FAM184B: variants seen among roughly 807,000 people sequenced by gnomAD.
FAM184B encodes family with sequence similarity 184 member B, also known as protein FAM184B.
In FAM184B, 111 loss-of-function variants were observed where a neutral mutation model predicts 135.9. The ratio of observed to expected loss-of-function variants is 0.82; its 90% CI spans 0.70 to 0.96. FAM184B has a LOEUF of 0.96. Ranked by LOEUF, FAM184B falls within the 40% of genes least tolerant of loss-of-function variation. The pLI, the probability that FAM184B is intolerant of heterozygous loss-of-function variation, is 0.00. For synonymous variants in FAM184B, 552 were observed against 524.8 expected, an observed-to-expected ratio of 1.05 and a Z score of -0.71; for missense variants, 1,375 against 1,323.9, an observed-to-expected ratio of 1.04 and a Z score of -0.60.
intron 15 of FAM184B, among the ~76,000 whole-genome samples, 164 bp downstream of exon 15, chr4:17,636,362 CAA>C (rs992018919): frequency 6.6e-6 from 1 of 152,222 alleles, no homozygotes; most frequent in African/African-American, 2.4e-5. Flanking sequence ...CTCCGCCTCC[CAA>C]AGTGCTGGGA....
chr4:17,776,934 T>C (rs1031108078), intron 1 of FAM184B, among the ~76,000 whole-genome samples: 1 of 152,122 alleles, frequency 6.6e-6, no homozygotes, highest in Admixed American at 6.6e-5. Flanking sequence ...CTGGATAATG[T>C]ATGGTGGTAC....
chr4:17,645,816 G>A (rs1170790523), intron 12 of FAM184B, among the ~76,000 whole-genome samples: 9 of 152,056 alleles, frequency 5.9e-5, no homozygotes, highest in Middle Eastern at 3.4e-3. Flanking sequence ...GAAAATTTTT[G>A]CAATCTACTC....
chr4:17,694,799 A>G (rs4235392), intron 5 of FAM184B, among the ~76,000 whole-genome samples: 92,642 of 152,044 alleles, frequency 0.61, 28,713 homozygotes, highest in East Asian at 0.88. Context: ...AAAGTCCATG[A>G]GCTAACAAGA....
chr4:17,659,612 G>A (rs1046967107), intron 9 of FAM184B, among the ~76,000 whole-genome samples: 17 of 151,896 alleles, frequency 1.1e-4, no homozygotes, highest in Non-Finnish European at 2.1e-4. Flanking sequence ...TCAGCCTCCC[G>A]AGTAGCTGGG....
chr4:17,660,710 G>A (rs777185335), intron 8 of FAM184B, among the ~76,000 whole-genome samples: 3 of 151,512 alleles, frequency 2.0e-5, no homozygotes, highest in Non-Finnish European at 4.4e-5. Flanking sequence ...TCCTTAATTC[G>A]GAACTTTTGA....
intron 5 of FAM184B, 26 bp from the exon 6 acceptor site, chr4:17,693,438 C>A: frequency 6.5e-7 from 1 of 1,535,774 alleles, no homozygotes; most frequent in Non-Finnish European, 8.8e-7. Context: ...AAGAGTTAAC[C>A]ATACAAGGCA....
At position 17,709,616 on chromosome 4, in the gene FAM184B, T is replaced by C. The variant is rs1297075437; in HGVS notation, c.170A>G (p.Asp57Gly). 2 of 1,525,184 alleles carry C rather than the reference T, an allele frequency of 1.3e-6. No individual in the cohort carries two copies. Among genetic ancestry groups the C allele is most frequent in the Admixed American group, 2.2e-5 (1 of 46,468 alleles). 94.5% of individuals were successfully genotyped at this position (1,525,184 alleles called of 1,614,324 possible). A position where few individuals can be genotyped will look rare whatever the true frequency, so the allele number is the denominator to read the frequency against. The change falls in exon 2 of 18, where the codon GAT becomes GGT. Residue 57 changes from aspartate to glycine, a missense_variant. Coordinates refer to ENST00000265018, the MANE Select transcript of FAM184B (RefSeq NM_015688.2). Reference protein sequence around the residue: ...KVIYALNTRQDEAEASMEALR... With the variant: ...KVIYALNTRQGEAEASMEALR... ...CGCCTCCATGCTGGCCTCAGCCTCA[T>C]CCTGGCGGGTGTTCAGGGCATAAAT...
At chr4:17,657,572 A>C (rs1715803977) in intron 10 of FAM184B, among the ~76,000 whole-genome samples, 1 of 151,960 alleles carries the variant, frequency 6.6e-6, no homozygotes, top group Admixed American at 6.6e-5. Flanking sequence ...AACATGCCTG[A>C]ACCACCCCAC....
chr4:17,680,872 G>C (rs1018442845), intron 7 of FAM184B, among the ~76,000 whole-genome samples: 27 of 152,008 alleles, frequency 1.8e-4, no homozygotes, highest in African/African-American at 6.0e-4. Flanking sequence ...AAACACCCAC[G>C]CCCAGGAAAT....
intron 1 of FAM184B, among the ~76,000 whole-genome samples, chr4:17,732,578 A>G (rs1717807880): frequency 6.6e-6 from 1 of 152,250 alleles, no homozygotes; most frequent in African/African-American, 2.4e-5. Flanking sequence ...GATAAACTAG[A>G]AAATCTGGAA....
rs1287934911 is a variant in FAM184B, at chr4:17,635,004, T to C, written c.2889+5A>G. 1 of 1,548,550 alleles carries C rather than the reference T, an allele frequency of 6.5e-7. No homozygotes were observed. The highest frequency in any genetic ancestry group is 2.4e-5 in the East Asian group (1 of 40,876). On this transcript the variant is annotated splice_donor_5th_base_variant and intron_variant, in intron 16 of 17. Coordinates refer to ENST00000265018, the MANE Select transcript of FAM184B (RefSeq NM_015688.2). ...AATGCATTAAAACCATTAGAACCAA[T>C]TTACCTTCATGGAAGGGGTCAAATA...
At chr4:17,757,788 A>T (rs1718454940) in intron 1 of FAM184B, among the ~76,000 whole-genome samples, 1 of 150,880 alleles carries the variant, frequency 6.6e-6, no homozygotes, top group African/African-American at 2.5e-5. Flanking sequence ...AGAGTACAGA[A>T]TTTGTATAAC....
chr4:17,719,840 A>C (rs1402300166), intron 1 of FAM184B, among the ~76,000 whole-genome samples: 1 of 152,202 alleles, frequency 6.6e-6, no homozygotes, highest in Admixed American at 6.5e-5. Context: ...AGCTCATCAG[A>C]GTCACTAGTG....
At chr4:17,675,872 T>C (rs1384957169) in intron 7 of FAM184B, among the ~76,000 whole-genome samples, 3 of 152,186 alleles carry the variant, frequency 2.0e-5, no homozygotes, top group Non-Finnish European at 4.4e-5. Context: ...AGGGCCTGGC[T>C]CTGGATTAGG....
chr4:17,765,595 GT>G (rs1423184669), intron 1 of FAM184B, among the ~76,000 whole-genome samples: 2 of 152,206 alleles, frequency 1.3e-5, no homozygotes, highest in South Asian at 2.1e-4. Flanking sequence ...TCTTTGGCCA[GT>G]CTGCCTTCAA....
At chr4:17,656,961 A>G (rs565213950) in intron 10 of FAM184B, among the ~76,000 whole-genome samples, 25 of 152,280 alleles carry the variant, frequency 1.6e-4, no homozygotes, top group African/African-American at 6.0e-4. Flanking sequence ...ACTACAGTAG[A>G]TCAGCATTTT....
chr4:17,669,000 T>C (rs1716114338), intron 7 of FAM184B, among the ~76,000 whole-genome samples: 1 of 152,202 alleles, frequency 6.6e-6, no homozygotes, highest in Non-Finnish European at 1.5e-5. Flanking sequence ...GTAAAAGTAA[T>C]CCCAGATATA....
At position 17,668,169 on chromosome 4, in the gene FAM184B, T is replaced by C. The variant is rs77526489; in HGVS notation, c.1597-3510A>G. On this transcript the variant is annotated intron_variant, in intron 7 of 17. Coordinates refer to ENST00000265018, the MANE Select transcript of FAM184B (RefSeq NM_015688.2). ...AGCCTTGTGGGCTGCAGTTCGTTCT[T>C]GATCTTCCTCAGTTCACTTCTGTCC... 4.2e-3 allele frequency among the ~76,000 whole-genome samples: 633 copies of C among 152,378 alleles called. 2 individuals are homozygous for C. Among genetic ancestry groups the C allele is most frequent in the African/African-American group, 0.014 (601 of 41,584 alleles).
At chr4:17,678,256 G>A (rs934854906) in intron 7 of FAM184B, among the ~76,000 whole-genome samples, 7 of 152,200 alleles carry the variant, frequency 4.6e-5, no homozygotes, top group Admixed American at 1.3e-4. Flanking sequence ...TGATATGATC[G>A]TATACCTAGA....
Sources: allele counts gnomAD v4.1 joint callset (sites outside exome capture counted in the v4.1 genomes callset), GRCh38; gene constraint gnomAD v4.1.1; transcripts MANE v1.5; gene names NCBI Gene and HGNC (gene_info 2026-07-23, HGNC 2026-07-21).